ZNF324B: variants seen among roughly 807,000 people sequenced by gnomAD.
ZNF324B encodes the protein zinc finger protein 324B.
A neutral mutation model predicts 10.6 loss-of-function variants in ZNF324B; 7 were observed. That is an observed-to-expected ratio of 0.66 (90% confidence interval 0.38 to 1.24). ZNF324B has a LOEUF of 1.24. ZNF324B is among the 50% of genes most tolerant of loss of function. The pLI is 0.02. For missense variants in ZNF324B, 640 were observed against 764.7 expected (o/e 0.84, Z 1.92); for synonymous variants, 316 against 321.0 (o/e 0.98, Z 0.17).
the ZNF324B span, among the ~76,000 whole-genome samples, chr19:58,422,410 C>T: frequency 6.6e-6 from 1 of 152,242 alleles, no homozygotes; most frequent in African/African-American, 2.4e-5. Context: ...ACTAGATGTC[C>T]TAGCCAGGCA....
chr19:58,455,802 G>A lies in ZNF324B; in HGVS notation c.858G>A (p.Glu286=), dbSNP rs564086320. The change falls in exon 4 of 4, where the codon GAG becomes GAA. Residue 286 remains glutamate, a synonymous_variant. Coordinates refer to ENST00000336614, the MANE Select transcript of ZNF324B (RefSeq NM_207395.3). The surrounding 1 kb of genome is among the most constrained non-coding windows in gnomAD (Gnocchi z 7.0). The part of the protein sequence containing the change: ...LRTHTGERPY[E]CTQCGKAFSQ... ...CCCACACCGGGGAGCGGCCCTACGA[G>A]TGCACCCAGTGCGGCAAGGCCTTCA... The A allele has an allele frequency of 3.3e-5, 53 of 1,614,132 alleles. No homozygotes were observed. Among genetic ancestry groups the A allele is most frequent in the Admixed American group, 2.0e-4 (12 of 60,038 alleles).
chr19:58,438,343 T>C, the ZNF324B span, among the ~76,000 whole-genome samples: 2 of 152,154 alleles, frequency 1.3e-5, no homozygotes, highest in Non-Finnish European at 2.9e-5. Flanking sequence ...TGTTTAGTGG[T>C]CTACTTGGCA....
intron 3 of ZNF324B, chr19:58,454,829 G>T: frequency 1.9e-6 from 1 of 527,126 alleles, no homozygotes; most frequent in East Asian, 3.5e-5. Flanking sequence ...GGGAGTGGGT[G>T]CCCAAGACGG....
chr19:58,454,113 A>T, intron 2 of ZNF324B, 115 bp from the exon 3 acceptor site: 1 of 748,666 alleles, frequency 1.3e-6, no homozygotes, highest in Non-Finnish European at 2.3e-6. Context: ...CTATCTTTAG[A>T]TTCTCCCAGT....
chr19:58,451,663 C>T lies in ZNF324B; in HGVS notation c.-48C>T, dbSNP rs565018774. 2 of 508,454 alleles carry T rather than the reference C, an allele frequency of 3.9e-6. No homozygotes were observed. Among genetic ancestry groups the T allele is most frequent in the African/African-American group, 2.0e-5 (1 of 50,624 alleles). The allele number at this position is 508,454 out of a possible 1,614,324, so 31.5% of individuals were successfully genotyped here. A position where few individuals can be genotyped will look rare whatever the true frequency, so the allele number is the denominator to read the frequency against. On this transcript the variant is annotated 5_prime_UTR_variant, in exon 1 of 4. Transcript: ENST00000336614. ...CGTCAGGCCACACCGGTGGTCTGGG[C>T]TGTGGCGCGCGGGTCGGGGCCCGAG...
chr19:58,441,715 C>A, the ZNF324B span: 1 of 152,430 alleles, frequency 6.6e-6, no homozygotes, highest in Non-Finnish European at 1.5e-5. Context: ...GGTGGCCTGG[C>A]CCAGTGAACG....
At chr19:58,423,980 C>T in the ZNF324B span, among the ~76,000 whole-genome samples, 3 of 151,994 alleles carry the variant, frequency 2.0e-5, no homozygotes, top group Non-Finnish European at 4.4e-5. Flanking sequence ...TGGCTCACAC[C>T]TGTAATCCCA....
Position 58,455,286 on chromosome 19 carries a change from T to C in ZNF324B, c.342T>C (p.Asp114=), listed in dbSNP as rs369386305. The C allele has an allele frequency of 6.2e-7, 1 of 1,614,214 alleles. No individual in the cohort carries two copies. The change falls in exon 4 of 4, where the codon GAT becomes GAC. Residue 114 remains aspartate (D), a synonymous_variant. Transcript: ENST00000336614. This position sits in a 1 kb window ranked among gnomAD's most constrained non-coding sequence, Gnocchi z 7.0. ...GMTTSVFPVA[D]ACHSVKSLQR... Reference sequence around the variant, plus strand: ...CTACTAGCGTCTTCCCAGTTGCCGATGCCTGCCACAGTGTAAAAAGCCTGC... The same window carrying C: ...CTACTAGCGTCTTCCCAGTTGCCGACGCCTGCCACAGTGTAAAAAGCCTGC...
upstream of ZNF324B, among the ~76,000 whole-genome samples, chr19:58,450,112 A>T (rs1414175723): frequency 6.6e-6 from 1 of 152,012 alleles, no homozygotes; most frequent in African/African-American, 2.4e-5. Flanking sequence ...GTCTCACGAG[A>T]TCTGATGGTT....
chr19:58,424,521 CTA>C, the ZNF324B span, among the ~76,000 whole-genome samples: 3 of 152,128 alleles, frequency 2.0e-5, no homozygotes, highest in South Asian at 6.2e-4. Flanking sequence ...CAAATTTAAA[CTA>C]TGATGAGATA....
the ZNF324B span, among the ~76,000 whole-genome samples, chr19:58,446,408 C>G: frequency 6.6e-6 from 1 of 152,008 alleles, no homozygotes; most frequent in African/African-American, 2.4e-5. Flanking sequence ...ATGGTGACTT[C>G]CCAGTTGCTC....
At position 58,454,229 on chromosome 19, in the gene ZNF324B, A is replaced by G; in HGVS notation, c.123A>G (p.Gly41=). 17 of 1,611,230 alleles carry G rather than the reference A, an allele frequency of 1.1e-5. No homozygotes were observed. Among genetic ancestry groups the G allele is most frequent in the Non-Finnish European group, 1.4e-5 (17 of 1,178,032 alleles). ...GCTCTCACCTGCTCCTCCTCACAGG[A>G]CTCTCTACCTCCCGACCTCGTGTGG... ...LENFTLVTSL[G]LSTSRPRVVI... is the part of the protein sequence containing the mutation. The change falls in exon 3 of 4, where the codon GGA becomes GGG. Residue 41 remains glycine, a splice_region_variant and synonymous_variant. Transcript: ENST00000336614.
At chr19:58,425,235 G>A in the ZNF324B span, among the ~76,000 whole-genome samples, 7 of 150,266 alleles carry the variant, frequency 4.7e-5, no homozygotes, top group Admixed American at 2.7e-4. Flanking sequence ...CAGCCTGGGC[G>A]ACAGAGCCAG....
chr19:58,434,796 C>T, the ZNF324B span: 1 of 1,614,066 alleles, frequency 6.2e-7, no homozygotes, highest in East Asian at 2.2e-5. Flanking sequence ...ATGGCTTCTG[C>T]CCACTGTCAA....
chr19:58,419,416 A>G, the ZNF324B span: 4 of 152,114 alleles, frequency 2.6e-5, no homozygotes, highest in African/African-American at 9.7e-5. Context: ...TATTGAGTGA[A>G]GTAGTATGGA....
the ZNF324B span, chr19:58,433,829 C>T: frequency 6.2e-7 from 1 of 1,614,184 alleles, no homozygotes; most frequent in South Asian, 1.1e-5. Flanking sequence ...GGCTTTTCTC[C>T]AGTGTGAATT....
chr19:58,434,553 C>T, the ZNF324B span: 2 of 1,614,032 alleles, frequency 1.2e-6, no homozygotes, highest in Non-Finnish European at 1.7e-6. Flanking sequence ...TAAAGGCCTT[C>T]CCACACTCCT....
the ZNF324B span, among the ~76,000 whole-genome samples, chr19:58,427,411 C>T: frequency 0.01 from 341 of 32,964 alleles, 1 homozygote; most frequent in African/African-American, 0.027. Context: ...TCTTTCCTTC[C>T]TTCCTTCCTT....
Position 58,451,632 on chromosome 19 carries a change from T to A in ZNF324B, c.-79T>A. 1.9e-6 allele frequency: 1 copy of A among 517,404 alleles called. No individual in the cohort carries two copies. Among genetic ancestry groups the A allele is most frequent in the Non-Finnish European group, 3.9e-6 (1 of 259,112 alleles). 32.1% of individuals were successfully genotyped at this position (517,404 alleles called of 1,614,324 possible). A position where few individuals can be genotyped will look rare whatever the true frequency, so the allele number is the denominator to read the frequency against. ...TCCGGCGTTGGGACTGTCACTTGGC[T>A]GCTCGCGTCAGGCCACACCGGTGGT... On this transcript the variant is annotated 5_prime_UTR_variant, in exon 1 of 4. Coordinates refer to ENST00000336614, the MANE Select transcript of ZNF324B (RefSeq NM_207395.3).
Sources: gnomAD v4.1 joint callset for allele counts (sites outside exome capture counted in the v4.1 genomes callset) on GRCh38, gnomAD v4.1.1 for gene constraint, Gnocchi (gnomAD v3.1) non-coding constraint, MANE v1.5 for transcripts, NCBI Gene and HGNC (gene_info 2026-07-23, HGNC 2026-07-21) for gene names.